Variants in GALNT13 observed in about 807,000 individuals in gnomAD.
GALNT13 encodes polypeptide N-acetylgalactosaminyltransferase 13, also known as UDP-GalNAc:polypeptide N-acetylgalactosaminyltransferase 13.
In GALNT13, 28 loss-of-function variants were observed where a neutral mutation model predicts 64.2. That is an observed-to-expected ratio of 0.44 (90% CI 0.32 to 0.60). The LOEUF (loss-of-function observed/expected upper bound fraction) is 0.60. Ranked by LOEUF, GALNT13 falls within the 20% of genes least tolerant of loss-of-function variation. The pLI, the probability that GALNT13 is intolerant of heterozygous loss-of-function variation, is 0.05. For synonymous variants in GALNT13, 214 were observed against 224.6 expected (o/e 0.95, Z 0.42); for missense variants, 577 against 669.8 (o/e 0.86, Z 1.53).
At chr2:153,341,265 G>C in the GALNT13 span, among the ~76,000 whole-genome samples, 1 of 152,036 alleles carries the variant, frequency 6.6e-6, no homozygotes, top group Non-Finnish European at 1.5e-5. Flanking sequence ...TTAATAAATG[G>C]GAGTTATTGC....
At chr2:153,604,145 T>C in the GALNT13 span, among the ~76,000 whole-genome samples, 4 of 152,052 alleles carry the variant, frequency 2.6e-5, no homozygotes, top group Admixed American at 2.6e-4. Flanking sequence ...GATTTTTCCT[T>C]TTCTTCCACC....
At chr2:154,456,546 C>T (rs1209375841), downstream of GALNT13, among the ~76,000 whole-genome samples, 1 of 151,854 alleles carries the variant, frequency 6.6e-6, no homozygotes, top group African/African-American at 2.4e-5. Context: ...TGATTAAGTG[C>T]CTATGAATAT....
intron 3 of GALNT13, among the ~76,000 whole-genome samples, chr2:154,038,271 A>G (rs1698778520): frequency 6.6e-6 from 1 of 152,160 alleles, no homozygotes; most frequent in Non-Finnish European, 1.5e-5. Flanking sequence ...TAGAAAAAAT[A>G]TTAACATTTG....
the GALNT13 span, among the ~76,000 whole-genome samples, chr2:153,284,110 A>G: frequency 6.6e-6 from 1 of 152,164 alleles, no homozygotes; most frequent in South Asian, 2.1e-4. Flanking sequence ...TCAGACCAGT[A>G]GTGCTCTGAA....
the GALNT13 span, among the ~76,000 whole-genome samples, chr2:153,519,868 A>G: frequency 2.6e-5 from 4 of 152,162 alleles, no homozygotes; most frequent in Non-Finnish European, 5.9e-5. Flanking sequence ...TTTCTTAGGT[A>G]AATCCAGAAT....
In GALNT13 at chr2:153,925,451, T is replaced by A. The variant is rs1690056925; in HGVS notation, c.-104-18943T>A. Reference sequence around the variant, plus strand: ...ACCTGTACCATGCTGTTTTGGTTACTTTAGCTGTATAGTATAGTTTGGCAT... The same window carrying A: ...ACCTGTACCATGCTGTTTTGGTTACATTAGCTGTATAGTATAGTTTGGCAT... On this transcript the variant is annotated intron_variant, in intron 2 of 12. Coordinates refer to ENST00000392825, the MANE Select transcript of GALNT13 (RefSeq NM_052917.4). Among the ~76,000 whole-genome samples the A allele has an allele frequency of 2.0e-5, 3 of 152,038 alleles. No individual in the cohort carries two copies. In the South Asian group the frequency reaches 6.2e-4, roughly 31 times the overall value.
chr2:153,696,544 C>T, the GALNT13 span, among the ~76,000 whole-genome samples: 1 of 152,130 alleles, frequency 6.6e-6, no homozygotes. Flanking sequence ...ACATACATGT[C>T]TATAATAAAG....
the GALNT13 span, among the ~76,000 whole-genome samples, chr2:153,434,650 A>C: frequency 1.7e-4 from 26 of 152,134 alleles, no homozygotes; most frequent in Non-Finnish European, 8.8e-5. Context: ...CTGTTCGTAT[A>C]CTTTGCCCAC....
At chr2:154,323,821 G>A (rs13421488) in intron 9 of GALNT13, among the ~76,000 whole-genome samples, 23,306 of 151,838 alleles carry the variant, frequency 0.15, 2,018 homozygotes, top group Middle Eastern at 0.26. Flanking sequence ...TATTCTTATG[G>A]ACATATGTCC....
At chr2:153,764,629 TC>T in the GALNT13 span, among the ~76,000 whole-genome samples, 2 of 152,276 alleles carry the variant, frequency 1.3e-5, no homozygotes, top group South Asian at 4.1e-4. Context: ...GGGGAGAAAT[TC>T]AAGCTGGCTG....
the GALNT13 span, among the ~76,000 whole-genome samples, chr2:153,257,128 AG>A: frequency 6.6e-6 from 1 of 152,220 alleles, no homozygotes; most frequent in South Asian, 2.1e-4. Flanking sequence ...GGACCCTCCG[AG>A]CCAGGTGCCG....
intron 8 of GALNT13, chr2:154,287,359 C>G (rs1012659361): frequency 1.1e-5 from 6 of 555,718 alleles, no homozygotes; most frequent in Non-Finnish European, 2.0e-5. Context: ...CATTCCAGCT[C>G]TCATACTCTG....
intron 2 of GALNT13, among the ~76,000 whole-genome samples, chr2:153,906,400 C>A (rs1182402295): frequency 7.3e-6 from 1 of 136,476 alleles, no homozygotes; most frequent in African/African-American, 2.7e-5. Flanking sequence ...CCCCCCTCCC[C>A]CCACTCCACA....
At chr2:153,116,789 GTCT>G in the GALNT13 span, among the ~76,000 whole-genome samples, 1 of 122,202 alleles carries the variant, frequency 8.2e-6, no homozygotes, top group Admixed American at 1.0e-4. Context: ...TAGGTGTGTT[GTCT>G]TCTTTTTTTT....
chr2:153,961,771 C>G (rs1692960911), intron 3 of GALNT13, among the ~76,000 whole-genome samples: 1 of 152,030 alleles, frequency 6.6e-6, no homozygotes. Flanking sequence ...GGTAACAAAA[C>G]TGTTTACCAA....
the GALNT13 span, among the ~76,000 whole-genome samples, chr2:153,238,035 G>A: frequency 6.6e-6 from 1 of 151,882 alleles, no homozygotes; most frequent in African/African-American, 2.4e-5. Context: ...TTTTAACTGG[G>A]ATGAGATGAT....
At chr2:153,963,823 G>C (rs1382341224) in intron 3 of GALNT13, among the ~76,000 whole-genome samples, 1 of 138,008 alleles carries the variant, frequency 7.2e-6, no homozygotes, top group East Asian at 2.3e-4. Flanking sequence ...TCAATCTTTT[G>C]TTCATTTTTA....
chr2:153,669,232 A>G, the GALNT13 span, among the ~76,000 whole-genome samples: 1 of 151,778 alleles, frequency 6.6e-6, no homozygotes, highest in African/African-American at 2.4e-5. Flanking sequence ...GTTAGCATGC[A>G]CTCATCCATG....
the GALNT13 span, among the ~76,000 whole-genome samples, chr2:153,655,173 A>C: frequency 6.6e-6 from 1 of 152,126 alleles, no homozygotes; most frequent in Non-Finnish European, 1.5e-5. Context: ...TTCTTAGGAA[A>C]AGCACAGGTT....
Sources: allele counts gnomAD v4.1 joint callset (sites outside exome capture counted in the v4.1 genomes callset), GRCh38; gene constraint gnomAD v4.1.1; transcripts MANE v1.5; gene names NCBI Gene and HGNC (gene_info 2026-07-23, HGNC 2026-07-21).